The following ATCAY variants were observed in gnomAD, a reference collection of about 807,000 sequenced individuals.
ATCAY encodes the protein caytaxin.
Under a neutral mutation model 47.7 loss-of-function variants are expected in ATCAY, and 22 were observed. The observed-to-expected ratio is 0.46, with a 90% confidence interval of 0.33 to 0.66. The LOEUF (loss-of-function observed/expected upper bound fraction) is 0.66, where lower values mean the gene tolerates loss of function less well. ATCAY is among the 30% of genes least tolerant of loss of function. The pLI is 0.02. For synonymous variants in ATCAY, 216 were observed against 207.6 expected, an observed-to-expected ratio of 1.04 and a Z score of -0.35; for missense variants, 452 against 515.0, an observed-to-expected ratio of 0.88 and a Z score of 1.18.
Position 3,907,148 on chromosome 19 carries a change from G to A in ATCAY, c.359-586G>A, listed in dbSNP as rs368264542. Among the ~76,000 whole-genome samples, 731 of 143,664 alleles carry A rather than the reference G, an allele frequency of 5.1e-3. 12 individuals carry two copies. The highest frequency in any genetic ancestry group is 0.018 in the African/African-American group (702 of 38,830). The allele number at this position is 143,664 out of a possible 152,430, so 94.2% of individuals were successfully genotyped here. On this transcript the variant is annotated intron_variant, in intron 4 of 12. Coordinates refer to ENST00000450849, the MANE Select transcript of ATCAY (RefSeq NM_033064.5). This position sits in a 1 kb window ranked among gnomAD's most constrained non-coding sequence, Gnocchi z 5.1. Reference sequence around the variant, plus strand: ...GACTCTCTCAAAAAAAAAAAAGAAAGAAAAAAAAAAATTAAGGACAATGTA... The same window carrying A: ...GACTCTCTCAAAAAAAAAAAAGAAAAAAAAAAAAAAATTAAGGACAATGTA...
chr19:3,904,515 G>T lies in ATCAY; in HGVS notation c.137-919G>T, dbSNP rs1021767475. 2.0e-5 allele frequency among the ~76,000 whole-genome samples: 3 copies of T among 152,132 alleles called. No homozygotes were observed. The East Asian group carries it at 5.8e-4, about 29-fold the overall frequency. On this transcript the variant is annotated intron_variant, in intron 3 of 12. Transcript: ENST00000450849. ...ACATCAACTCTTCCCTAGGCGTCCC[G>T]CCTGCTGGCCTGCCCTGCCGATTGA...
At chr19:3,889,448 T>A (rs964377858) in intron 2 of ATCAY, among the ~76,000 whole-genome samples, 1 of 151,716 alleles carries the variant, frequency 6.6e-6, no homozygotes, top group African/African-American at 2.4e-5. Flanking sequence ...TAAAAAAAAA[T>A]TAGTCAGGTA....
chr19:3,884,578 C>A (rs2038631129), intron 1 of ATCAY, among the ~76,000 whole-genome samples: 1 of 152,110 alleles, frequency 6.6e-6, no homozygotes, highest in Non-Finnish European at 1.5e-5. Context: ...TTCTTGCTTT[C>A]TAGTTGAGGT....
At chr19:3,889,242 C>T (rs1340760499) in intron 2 of ATCAY, among the ~76,000 whole-genome samples, 6 of 152,112 alleles carry the variant, frequency 3.9e-5, no homozygotes, top group Non-Finnish European at 8.8e-5. Context: ...GGAGAAACCC[C>T]GTCTCTACTA....
rs777047303 is a variant in ATCAY at position 3,907,825 on chromosome 19, C to T, written c.450C>T (p.Asn150=). ...CGACGGAGGACGGCAGCGCCGCCAACGGGCGCCTGTGGCGGACAGTGATCA... is the reference window on the plus strand; with the variant it reads ...CGACGGAGGACGGCAGCGCCGCCAATGGGCGCCTGTGGCGGACAGTGATCA... ...DGTTEDGSAA[N]GRLWRTVIIG... The change falls in exon 5 of 13, where the codon AAC becomes AAT. Residue 150 remains asparagine, a synonymous_variant. Coordinates refer to ENST00000450849, the MANE Select transcript of ATCAY (RefSeq NM_033064.5). The surrounding 1 kb of genome is among the most constrained non-coding windows in gnomAD (Gnocchi z 5.1). 91 of 1,613,848 alleles carry T rather than the reference C, an allele frequency of 5.6e-5. No homozygotes were observed. The Admixed American group carries it at 7.3e-4, about 13-fold the overall frequency.
intron 4 of ATCAY, 40 bp downstream of exon 4, chr19:3,905,695 C>A (rs561062776): frequency 1.3e-6 from 2 of 1,537,378 alleles, no homozygotes; most frequent in African/African-American, 1.4e-5. Context: ...TGGAGCCCAC[C>A]CCCCCCACCC....
At chr19:3,882,359 TC>T (rs1295844811) in intron 1 of ATCAY, among the ~76,000 whole-genome samples, 3 of 152,012 alleles carry the variant, frequency 2.0e-5, no homozygotes, top group Non-Finnish European at 4.4e-5. Flanking sequence ...TCTCTGTTGC[TC>T]AGGCTGGAAA....
chr19:3,913,939 C>T, intron 9 of ATCAY, 83 bp downstream of exon 9: 2 of 1,322,820 alleles, frequency 1.5e-6, no homozygotes, highest in South Asian at 1.2e-5. Context: ...GGGCAATTTA[C>T]AAAAGAGGTT....
chr19:3,902,646 C>T (rs1169436503), intron 3 of ATCAY, 101 bp downstream of exon 3: 8 of 1,295,098 alleles, frequency 6.2e-6, no homozygotes, highest in East Asian at 2.6e-5. Context: ...GGCCACACAC[C>T]GTGGGTAGAA....
intron 12 of ATCAY, 137 bp from the exon 13 acceptor site, chr19:3,924,446 G>A (rs2039049263): frequency 9.7e-7 from 1 of 1,026,910 alleles, no homozygotes; most frequent in Non-Finnish European, 1.5e-6. Flanking sequence ...GGGCCCTGAA[G>A]GGCATGTGCC....
At chr19:3,881,162 C>G (rs1306553964) in intron 1 of ATCAY, among the ~76,000 whole-genome samples, 154 bp downstream of exon 1, 1 of 152,094 alleles carries the variant, frequency 6.6e-6, no homozygotes, top group Non-Finnish European at 1.5e-5. Context: ...CCTCACATCC[C>G]TGTTCCCGGT....
In ATCAY at chr19:3,923,625, G is replaced by T. The variant is rs893692336; in HGVS notation, c.1107-958G>T. On this transcript the variant is annotated intron_variant, in intron 12 of 12. Transcript: ENST00000450849. ...GATGGATGAGTGGATGAATGGATGG[G>T]TGGAGGGATGGAAAGATGGACTGAT... 5.3e-5 allele frequency among the ~76,000 whole-genome samples: 8 copies of T among 151,920 alleles called. No individual in the cohort carries two copies. In the East Asian group the frequency reaches 1.6e-3, roughly 30 times the overall value.
intron 2 of ATCAY, chr19:3,895,255 G>A (rs986883343): frequency 1.3e-4 from 60 of 454,274 alleles, no homozygotes; most frequent in Middle Eastern, 3.4e-4. Flanking sequence ...TCACTCTGTC[G>A]CCAGGCTGGA....
At chr19:3,895,250 C>T (rs531752413) in intron 2 of ATCAY, 1 of 453,786 alleles carries the variant, frequency 2.2e-6, no homozygotes, top group Admixed American at 2.4e-5. Context: ...GAGTCTCACT[C>T]TGTCGCCAGG....
At chr19:3,911,056 T>C (rs1484487535) in intron 8 of ATCAY, among the ~76,000 whole-genome samples, 167 bp downstream of exon 8, 1 of 152,196 alleles carries the variant, frequency 6.6e-6, no homozygotes, top group Non-Finnish European at 1.5e-5. Flanking sequence ...TTCTCTATGA[T>C]GAATACATAT....
At chr19:3,886,151 G>C (rs114905014) in intron 2 of ATCAY, among the ~76,000 whole-genome samples, 114 of 152,292 alleles carry the variant, frequency 7.5e-4, no homozygotes, top group African/African-American at 1.8e-3. Flanking sequence ...ACCATTTTAA[G>C]AGTTCTTAAC....
chr19:3,917,688 A>T (rs1484199689), intron 9 of ATCAY, 54 bp from the exon 10 acceptor site: 2 of 1,607,674 alleles, frequency 1.2e-6, no homozygotes, highest in Non-Finnish European at 1.7e-6. Flanking sequence ...TTCCCCAAAA[A>T]GTATATCTCA....
At chr19:3,891,430 G>T (rs1241111091) in intron 2 of ATCAY, among the ~76,000 whole-genome samples, 1 of 151,984 alleles carries the variant, frequency 6.6e-6, no homozygotes, top group Non-Finnish European at 1.5e-5. Context: ...GGAGATTGCT[G>T]CCTCAATTTC....
intron 6 of ATCAY, 128 bp from the exon 7 acceptor site, chr19:3,909,358 A>C: frequency 9.2e-7 from 1 of 1,088,454 alleles, no homozygotes; most frequent in Non-Finnish European, 1.3e-6. Context: ...AGGACAGCAG[A>C]CAACACCTGG....
Sources: gnomAD v4.1 joint callset for allele counts (sites outside exome capture counted in the v4.1 genomes callset) on GRCh38, gnomAD v4.1.1 for gene constraint, Gnocchi (gnomAD v3.1) non-coding constraint, MANE v1.5 for transcripts, NCBI Gene and HGNC (gene_info 2026-07-23, HGNC 2026-07-21) for gene names.